NIT2: variants seen among roughly 807,000 people sequenced by gnomAD.
NIT2 encodes the protein omega-amidase NIT2.
A neutral mutation model predicts 42.7 loss-of-function variants in NIT2; 46 were observed. That is an observed-to-expected ratio of 1.08 (90% confidence interval 0.85 to 1.38). The LOEUF is 1.38. Ranked by LOEUF, NIT2 falls within the 40% of genes most tolerant of loss-of-function variation. NIT2 has a pLI of 0.00. For missense variants in NIT2, 309 were observed against 342.5 expected, an observed-to-expected ratio of 0.90 and a Z score of 0.77; for synonymous variants, 123 against 121.9, an observed-to-expected ratio of 1.01 and a Z score of -0.06.
In NIT2 at chr3:100,357,673, G is replaced by A; in HGVS notation, c.*2405G>A. The A allele has an allele frequency of 7.4e-6, 1 of 134,974 alleles. No individual in the cohort carries two copies. The allele number at this position is 134,974 out of a possible 1,614,324, so 8.4% of individuals were successfully genotyped here. ...TTTTTTTTTTTTGAGACAGAGTCAC[G>A]CTGTCGCCCAAGCTGGAGTGCAGTG... is the stretch of plus-strand genomic sequence containing the variant. On this transcript the variant is annotated 3_prime_UTR_variant, in exon 10 of 10. Coordinates refer to ENST00000394140, the MANE Select transcript of NIT2 (RefSeq NM_020202.5).
intron 7 of NIT2, chr3:100,349,220 C>A: frequency 6.0e-6 from 1 of 165,828 alleles, no homozygotes; most frequent in South Asian, 1.5e-4. Context: ...CTCAAGAGAT[C>A]GTCCTGCCTC....
chr3:100,335,411 G>A (rs1359847907), intron 1 of NIT2, among the ~76,000 whole-genome samples: 3 of 152,096 alleles, frequency 2.0e-5, no homozygotes, highest in Non-Finnish European at 2.9e-5. Context: ...TTCGCTCACA[G>A]TATTTTATTC....
rs1042351143 is a variant in NIT2 at position 100,360,912 on chromosome 3, T to C, written c.*5644T>C. 2.0e-5 allele frequency: 3 copies of C among 152,220 alleles called. No homozygotes were observed. Among genetic ancestry groups the C allele is most frequent in the African/African-American group, 7.2e-5 (3 of 41,464 alleles). 9.4% of individuals were successfully genotyped at this position (152,220 alleles called of 1,614,324 possible). On this transcript the variant is annotated 3_prime_UTR_variant, in exon 10 of 10. Transcript: ENST00000394140. ...ATAGTGTTTCCCTCTAATGCGAAAGTCAGGCCAGTTTGCTTGTGACCTCAT... is the reference window on the plus strand; with the variant it reads ...ATAGTGTTTCCCTCTAATGCGAAAGCCAGGCCAGTTTGCTTGTGACCTCAT...
chr3:100,342,885 A>C (rs1706171269), intron 4 of NIT2, among the ~76,000 whole-genome samples: 1 of 152,040 alleles, frequency 6.6e-6, no homozygotes, highest in Non-Finnish European at 1.5e-5. Flanking sequence ...AGACCAAAGG[A>C]TCTCATTTAG....
rs1706308657 is a variant in NIT2, at chr3:100,354,785, G to C, written c.697G>C (p.Ala233Pro). ...TVVNPWGEVL[A>P]KAGTEEAIVY... Reference sequence around the variant, plus strand: ...CATCTTTTTCAGGGGGGAGGTTCTAGCCAAAGCTGGCACAGAAGAAGCAAT... The same window carrying C: ...CATCTTTTTCAGGGGGGAGGTTCTACCCAAAGCTGGCACAGAAGAAGCAAT... The change falls in exon 9 of 10, where the codon GCC (alanine) becomes CCC (proline). Residue 233 changes from alanine (A) to proline (P), a missense_variant. By Grantham distance (27) the Ala-to-Pro change is conservative (BLOSUM62 -1). Transcript: ENST00000394140. 6.2e-7 allele frequency: 1 copy of C among 1,609,368 alleles called. No homozygotes were observed. Among genetic ancestry groups the C allele is most frequent in the African/African-American group, 1.3e-5 (1 of 74,816 alleles).
At position 100,345,805 on chromosome 3, in the gene NIT2, A is replaced by G. The variant is rs1387814969; in HGVS notation, c.430+127A>G. The G allele has an allele frequency of 1.5e-5, 10 of 672,916 alleles. No homozygotes were observed. In the East Asian group the frequency reaches 2.7e-4, roughly 18 times the overall value. The allele number at this position is 672,916 out of a possible 1,614,324, so 41.7% of individuals were successfully genotyped here. On this transcript the variant is annotated intron_variant, in intron 5 of 9. Transcript: ENST00000394140. ...GAAAGACCATAAGTGAGAAAGGCAG[A>G]GAATCATCACAGATCTGGAAAGTTC...
chr3:100,347,668 T>A (rs1217417439), intron 6 of NIT2, among the ~76,000 whole-genome samples: 2 of 152,144 alleles, frequency 1.3e-5, no homozygotes, highest in Admixed American at 6.5e-5. Context: ...TAAGTGAAGT[T>A]GATACCGGTG....
intron 5 of NIT2, 109 bp from the exon 6 acceptor site, chr3:100,346,072 A>C (rs147568263): frequency 1.2e-6 from 1 of 828,608 alleles, no homozygotes; most frequent in African/African-American, 1.7e-5. Context: ...TCCTGTGTTA[A>C]TTTATCCCTG....
intron 1 of NIT2, chr3:100,335,223 G>C (rs1306211039): frequency 9.8e-6 from 2 of 204,272 alleles, no homozygotes; most frequent in Middle Eastern, 7.4e-4. Flanking sequence ...TCCAGCTCCA[G>C]ATTTTGACTT....
intron 2 of NIT2, 73 bp downstream of exon 2, chr3:100,339,278 G>A (rs984594683): frequency 2.1e-6 from 2 of 965,864 alleles, no homozygotes; most frequent in Admixed American, 1.7e-5. Flanking sequence ...AGCTCTGGTT[G>A]TCCTCTTGTA....
At chr3:100,339,453 A>G (rs562106057) in intron 2 of NIT2, among the ~76,000 whole-genome samples, 3 of 152,312 alleles carry the variant, frequency 2.0e-5, no homozygotes, top group African/African-American at 4.8e-5. Flanking sequence ...AAATCCTAGT[A>G]TATTGAGGGA....
At position 100,341,181 on chromosome 3, in the gene NIT2, T is replaced by A. The variant is rs756557355; in HGVS notation, c.336+20T>A. On this transcript the variant is annotated intron_variant, in intron 4 of 9. Transcript: ENST00000394140. ...AGAAAGGTAAGTAGGAAGTGTGGCA[T>A]AAGAATTTGTTATCTCTAAGCCAGC... 1.1e-5 allele frequency: 18 copies of A among 1,567,118 alleles called. No individual in the cohort carries two copies. The highest frequency in any genetic ancestry group is 1.5e-5 in the Non-Finnish European group (17 of 1,137,422).
At chr3:100,336,174 C>A (rs556323612) in intron 1 of NIT2, among the ~76,000 whole-genome samples, 1 of 152,288 alleles carries the variant, frequency 6.6e-6, no homozygotes, top group African/African-American at 2.4e-5. Context: ...CCAAACAGGC[C>A]TTCATCAGAG....
chr3:100,347,367 A>G (rs540266993), intron 6 of NIT2, among the ~76,000 whole-genome samples: 2 of 152,314 alleles, frequency 1.3e-5, no homozygotes, highest in African/African-American at 4.8e-5. Context: ...AAGTGCTGGG[A>G]TTACAGGCAT....
In NIT2 at chr3:100,338,999, TAA is replaced by T. The variant is rs112452481; in HGVS notation, c.8-87_8-86del. 5.4e-3 allele frequency: 4,999 copies of T among 918,716 alleles called. 96 individuals are homozygous for T. Among genetic ancestry groups the T allele is most frequent in the African/African-American group, 0.051 (3,145 of 61,520 alleles). The allele number at this position is 918,716 out of a possible 1,614,324, so 56.9% of individuals were successfully genotyped here. A position where few individuals can be genotyped will look rare whatever the true frequency, so the allele number is the denominator to read the frequency against. The stretch of plus-strand genomic sequence containing the variant: ...ATTGTCAGATGTCCCCCCGGGGACA[TAA>T]CTGCCTTCCATTTGAGAACTATGGC... On this transcript the variant is annotated intron_variant, in intron 1 of 9. Transcript: ENST00000394140.
At chr3:100,336,259 CTAAT>C (rs1559822062) in intron 1 of NIT2, among the ~76,000 whole-genome samples, 1 of 152,130 alleles carries the variant, frequency 6.6e-6, no homozygotes, top group Non-Finnish European at 1.5e-5. Flanking sequence ...AGATAGCTCT[CTAAT>C]GGTAGGATTT....
chr3:100,356,754 C>G lies in NIT2; in HGVS notation c.*1486C>G, dbSNP rs771744863. On this transcript the variant is annotated 3_prime_UTR_variant, in exon 10 of 10. Coordinates refer to ENST00000394140, the MANE Select transcript of NIT2 (RefSeq NM_020202.5). ...AAGATAACATATTTACCACCCCCAACAGTTTCCATGTGCTGTATTATAATC... is the reference window on the plus strand; with the variant it reads ...AAGATAACATATTTACCACCCCCAAGAGTTTCCATGTGCTGTATTATAATC... The G allele has an allele frequency of 6.6e-6, 1 of 152,216 alleles. No homozygotes were observed. The highest frequency in any genetic ancestry group is 1.5e-5 in the Non-Finnish European group (1 of 68,032). 9.4% of individuals were successfully genotyped at this position (152,216 alleles called of 1,614,324 possible).
intron 7 of NIT2, among the ~76,000 whole-genome samples, chr3:100,350,506 A>C (rs1040610020): frequency 2.0e-5 from 3 of 152,172 alleles, no homozygotes; most frequent in South Asian, 2.1e-4. Flanking sequence ...CTCTTCTCTT[A>C]TGTTAGCTTA....
chr3:100,356,191 T>C lies in NIT2; in HGVS notation c.*923T>C, dbSNP rs1342448481. ...AGTTCAGCCAGAGACCCTATCTCAC[T>C]ATATATATGTATCTCAAAGACTTCA... On this transcript the variant is annotated 3_prime_UTR_variant, in exon 10 of 10. Transcript: ENST00000394140. 2 of 152,228 alleles carry C rather than the reference T, an allele frequency of 1.3e-5. No individual in the cohort carries two copies. Among genetic ancestry groups the C allele is most frequent in the Non-Finnish European group, 2.9e-5 (2 of 68,046 alleles). The allele number at this position is 152,228 out of a possible 1,614,324, so 9.4% of individuals were successfully genotyped here. A position where few individuals can be genotyped will look rare whatever the true frequency, so the allele number is the denominator to read the frequency against.
Sources: allele counts gnomAD v4.1 joint callset (sites outside exome capture counted in the v4.1 genomes callset), GRCh38; gene constraint gnomAD v4.1.1; transcripts MANE v1.5; gene names NCBI Gene and HGNC (gene_info 2026-07-23, HGNC 2026-07-21).